CYFIP2: variants seen among roughly 807,000 people sequenced by gnomAD.
The protein encoded by CYFIP2 is cytoplasmic FMR1 interacting protein 2, also known as cytoplasmic FMR1-interacting protein 2.
A neutral mutation model predicts 158.7 loss-of-function variants in CYFIP2; 29 were observed. That is an observed-to-expected ratio of 0.18 (90% CI 0.14 to 0.25). CYFIP2 has a LOEUF of 0.25. Ranked by LOEUF, CYFIP2 falls within the 10% of genes least tolerant of loss-of-function variation. CYFIP2 has a pLI of 1.00. For synonymous variants in CYFIP2, 585 were observed against 617.6 expected (o/e 0.95, Z 0.78); for missense variants, 852 against 1,639.5 (o/e 0.52, Z 8.29).
At chr5:157,301,289 G>A (rs951289579) in intron 6 of CYFIP2, among the ~76,000 whole-genome samples, 1 of 152,142 alleles carries the variant, frequency 6.6e-6, no homozygotes, top group African/African-American at 2.4e-5. Flanking sequence ...GAAATGAATT[G>A]GCTCACAGAA....
intron 22 of CYFIP2, among the ~76,000 whole-genome samples, chr5:157,339,851 G>C (rs903974015): frequency 2.0e-5 from 3 of 152,242 alleles, no homozygotes; most frequent in Non-Finnish European, 4.4e-5. Flanking sequence ...CCAAGAAGTT[G>C]ATGAGGGTAA....
At position 157,375,542 on chromosome 5, in the gene CYFIP2, T is replaced by G. The variant is rs1765379941; in HGVS notation, c.3040-7048T>G. Reference sequence around the variant, plus strand: ...AGCTATGAGACTCTGTTATATTCTCTAAGCCTAGCTTATCCAACCCATGGC... The same window carrying G: ...AGCTATGAGACTCTGTTATATTCTCGAAGCCTAGCTTATCCAACCCATGGC... On this transcript the variant is annotated intron_variant, in intron 26 of 30. Transcript: ENST00000620254. Among the ~76,000 whole-genome samples, 3 of 152,156 alleles carry G rather than the reference T, an allele frequency of 2.0e-5. No individual in the cohort carries two copies. The South Asian group carries it at 6.2e-4, about 32-fold the overall frequency.
intron 26 of CYFIP2, chr5:157,375,619 C>T (rs979672544): frequency 7.1e-6 from 1 of 140,348 alleles, no homozygotes; most frequent in Non-Finnish European, 1.5e-5. Flanking sequence ...TTTCTTAAAA[C>T]GTTGATTTTT....
At chr5:157,301,966 C>T (rs1168579834) in intron 6 of CYFIP2, among the ~76,000 whole-genome samples, 1 of 152,194 alleles carries the variant, frequency 6.6e-6, no homozygotes, top group Non-Finnish European at 1.5e-5. Context: ...CCTAAGTCAA[C>T]TGTGAAATCT....
chr5:157,389,946 G>C (rs1767103771), intron 29 of CYFIP2, among the ~76,000 whole-genome samples: 1 of 152,202 alleles, frequency 6.6e-6, no homozygotes, highest in Non-Finnish European at 1.5e-5. Context: ...GACAGCCAAA[G>C]GATGACTCTA....
intron 10 of CYFIP2, 29 bp downstream of exon 10, chr5:157,309,863 T>C (rs1417276332): frequency 1.2e-5 from 18 of 1,559,176 alleles, no homozygotes; most frequent in Admixed American, 1.9e-5. Flanking sequence ...GTCTCTCGGC[T>C]CCCGCAAGGA....
intron 23 of CYFIP2, among the ~76,000 whole-genome samples, chr5:157,357,834 AAAAAC>A (rs566384614): frequency 8.5e-4 from 129 of 152,272 alleles, no homozygotes; most frequent in African/African-American, 2.7e-3. Flanking sequence ...GTCTCAAAAA[AAAAAC>A]AAAGAAAAAA....
chr5:157,332,218 T>C (rs191534462), intron 20 of CYFIP2, among the ~76,000 whole-genome samples: 8 of 152,344 alleles, frequency 5.3e-5, no homozygotes, highest in African/African-American at 1.7e-4. Context: ...AAACTTCCTG[T>C]GTTTCAAGCC....
intron 4 of CYFIP2, among the ~76,000 whole-genome samples, chr5:157,295,715 CAT>C (rs1448815333): frequency 1.3e-5 from 2 of 152,228 alleles, no homozygotes; most frequent in Non-Finnish European, 2.9e-5. Flanking sequence ...GTGATTGTAG[CAT>C]ATTTTATCCA....
At chr5:157,289,984 G>A (rs567447001) in intron 3 of CYFIP2, among the ~76,000 whole-genome samples, 22 of 152,146 alleles carry the variant, frequency 1.4e-4, no homozygotes, top group Non-Finnish European at 2.1e-4. Flanking sequence ...GGCATTCAAG[G>A]CTGAATGAGG....
At position 157,285,457 on chromosome 5, in the gene CYFIP2, A is replaced by G. The variant is rs1209712519; in HGVS notation, c.96A>G (p.Pro32=). 6.4e-7 allele frequency: 1 copy of G among 1,572,248 alleles called. No individual in the cohort carries two copies. Among genetic ancestry groups the G allele is most frequent in the South Asian group, 1.2e-5 (1 of 85,192 alleles). ...ACCAGCAGCCATGCATCGAGCCTCC[A>G]CCTTCCTCCATCATGTACCAGGTAA... is the stretch of plus-strand genomic sequence containing the variant. The part of the protein sequence containing the change: ...LPDQQPCIEP[P]PSSIMYQANF... Residue 32 remains proline, a synonymous_variant, in exon 2 of 31, where the codon CCA becomes CCG. Coordinates refer to ENST00000620254, the MANE Select transcript of CYFIP2 (RefSeq NM_001037333.3).
intron 23 of CYFIP2, among the ~76,000 whole-genome samples, chr5:157,354,335 GT>G (rs532966161): frequency 8.5e-5 from 13 of 152,276 alleles, no homozygotes; most frequent in African/African-American, 3.1e-4. Context: ...GAACCTATCA[GT>G]TAGCAGAATT....
intron 1 of CYFIP2, among the ~76,000 whole-genome samples, chr5:157,269,804 G>A (rs531900522): frequency 1.3e-5 from 2 of 152,312 alleles, no homozygotes; most frequent in East Asian, 3.9e-4. Context: ...ATTCTGTCAA[G>A]GCCCCTGGAT....
chr5:157,333,926 A>C (rs2113197937), intron 21 of CYFIP2, among the ~76,000 whole-genome samples: 1 of 152,374 alleles, frequency 6.6e-6, no homozygotes, highest in African/African-American at 2.4e-5. Context: ...GTTCTGATGC[A>C]CAAGCCTGGA....
chr5:157,324,319 T>G (rs185204391), intron 16 of CYFIP2, among the ~76,000 whole-genome samples: 2 of 152,346 alleles, frequency 1.3e-5, no homozygotes, highest in East Asian at 3.9e-4. Flanking sequence ...TAATTTGTCA[T>G]AAAGTCCTTA....
intron 26 of CYFIP2, among the ~76,000 whole-genome samples, chr5:157,368,852 C>T (rs542764484): frequency 5.9e-5 from 9 of 152,052 alleles, no homozygotes; most frequent in Non-Finnish European, 1.2e-4. Flanking sequence ...GGTTACCCTC[C>T]AAGCCCTCCA....
intron 26 of CYFIP2, chr5:157,376,405 T>C (rs896369720): frequency 2.0e-5 from 3 of 152,756 alleles, no homozygotes; most frequent in Admixed American, 6.5e-5. Flanking sequence ...TCCCACAGCA[T>C]CCAGGCCCTT....
intron 26 of CYFIP2, among the ~76,000 whole-genome samples, chr5:157,370,851 C>G (rs1407525615): frequency 2.0e-5 from 3 of 152,200 alleles, no homozygotes; most frequent in Non-Finnish European, 4.4e-5. Context: ...CTTGACAATT[C>G]AGGGGACGGA....
chr5:157,395,190 A>G lies in CYFIP2; in HGVS notation c.*2190A>G. On this transcript the variant is annotated 3_prime_UTR_variant, in exon 31 of 31. Coordinates refer to ENST00000620254, the MANE Select transcript of CYFIP2 (RefSeq NM_001037333.3). ...TCTTCCCTTTCAGCAGAAAGATTTC[A>G]TTTCCCTGGCTTGCCAGTGGCACTG... 4.6e-6 allele frequency: 1 copy of G among 215,770 alleles called. No individual in the cohort carries two copies. Among genetic ancestry groups the G allele is most frequent in the South Asian group, 6.9e-5 (1 of 14,566 alleles). 13.4% of individuals were successfully genotyped at this position (215,770 alleles called of 1,614,324 possible). A position where few individuals can be genotyped will look rare whatever the true frequency, so the allele number is the denominator to read the frequency against.
Sources: gnomAD v4.1 joint callset for allele counts (sites outside exome capture counted in the v4.1 genomes callset) on GRCh38, gnomAD v4.1.1 for gene constraint, MANE v1.5 for transcripts, NCBI Gene and HGNC (gene_info 2026-07-23, HGNC 2026-07-21) for gene names.